CUL3: variants seen among roughly 807,000 people sequenced by gnomAD.
CUL3 encodes cullin 3, also known as cullin-3.
CUL3 carries 19 observed loss-of-function variants against 89.1 expected under a neutral mutation model. The observed-to-expected ratio is 0.21, with a 90% confidence interval of 0.15 to 0.31. The LOEUF is 0.31. Ranked by LOEUF, CUL3 falls within the 10% of genes least tolerant of loss-of-function variation. The pLI, the probability that CUL3 is intolerant of heterozygous loss-of-function variation, is 1.00. For synonymous variants in CUL3, 351 were observed against 308.4 expected, an observed-to-expected ratio of 1.14 and a Z score of -1.45; for missense variants, 469 against 942.3, an observed-to-expected ratio of 0.50 and a Z score of 6.58.
intron 2 of CUL3, among the ~76,000 whole-genome samples, chr2:224,543,494 T>G (rs2106279668): frequency 6.6e-6 from 1 of 152,018 alleles, no homozygotes; most frequent in Non-Finnish European, 1.5e-5. Context: ...AATAAAAATC[T>G]GCTAAGGTTG....
intron 3 of CUL3, among the ~76,000 whole-genome samples, chr2:224,530,723 A>G (rs1039326407): frequency 6.6e-6 from 1 of 152,158 alleles, no homozygotes; most frequent in East Asian, 1.9e-4. Context: ...CCTGGCCAAC[A>G]TGGCGAAACC....
intron 15 of CUL3, 60 bp from the exon 16 acceptor site, chr2:224,474,436 A>G: frequency 7.1e-7 from 1 of 1,406,628 alleles, no homozygotes; most frequent in Non-Finnish European, 9.8e-7. Flanking sequence ...ATCTTTGAAC[A>G]GAACTGATAT....
In CUL3 at chr2:224,515,429, G is replaced by GT. The variant is rs140807390; in HGVS notation, c.379-658dup. Among the ~76,000 whole-genome samples, 473 of 152,286 alleles carry GT rather than the reference G, an allele frequency of 3.1e-3. 2 individuals are homozygous for GT. The highest frequency in any genetic ancestry group is 0.01 in the African/African-American group (432 of 41,564). The stretch of plus-strand genomic sequence containing the variant: ...CAAAATACACTGAAATAAAACTACT[G>GT]TTTTTTGTAATGCACAGAAGGATTA... On this transcript the variant is annotated intron_variant, in intron 3 of 15. Coordinates refer to ENST00000264414, the MANE Select transcript of CUL3 (RefSeq NM_003590.5).
At chr2:224,481,008 A>G (rs1417568686) in intron 14 of CUL3, among the ~76,000 whole-genome samples, 1 of 152,170 alleles carries the variant, frequency 6.6e-6, no homozygotes, top group Non-Finnish European at 1.5e-5. Context: ...ATCAAAATGA[A>G]AAACAAAAAT....
At chr2:224,557,967 T>C in intron 1 of CUL3, 111 bp from the exon 2 acceptor site, 1 of 616,502 alleles carries the variant, frequency 1.6e-6, no homozygotes, top group Non-Finnish European at 2.7e-6. Context: ...TATATAGATA[T>C]GATTATAAAT....
At chr2:224,579,686 A>G (rs1010060781) in intron 1 of CUL3, among the ~76,000 whole-genome samples, 3 of 151,988 alleles carry the variant, frequency 2.0e-5, no homozygotes, top group East Asian at 1.9e-4. Flanking sequence ...TTATCATAAC[A>G]CTCTTTCTCC....
intron 14 of CUL3, among the ~76,000 whole-genome samples, chr2:224,480,662 T>G (rs1691506731): frequency 6.6e-6 from 1 of 152,160 alleles, no homozygotes; most frequent in African/African-American, 2.4e-5. Context: ...AGTTACTTAT[T>G]TAGGGTACAG....
intron 14 of CUL3, among the ~76,000 whole-genome samples, chr2:224,480,334 A>C (rs1011923578): frequency 2.0e-5 from 3 of 152,232 alleles, no homozygotes; most frequent in African/African-American, 7.2e-5. Flanking sequence ...ATGTGGTCAC[A>C]ATATTTACCA....
chr2:224,478,163 T>G, intron 15 of CUL3, 37 bp downstream of exon 15: 3 of 1,525,390 alleles, frequency 2.0e-6, no homozygotes, highest in Non-Finnish European at 2.6e-6. Flanking sequence ...AATGTTACTG[T>G]TTTTTCTATA....
At chr2:224,500,176 G>A (rs1320127580) in intron 11 of CUL3, 187 bp downstream of exon 11, 2 of 526,672 alleles carry the variant, frequency 3.8e-6, no homozygotes, top group South Asian at 5.7e-5. Context: ...AATTATGCCT[G>A]CTTTACTTTA....
At chr2:224,560,254 C>CA (rs1470781286) in intron 1 of CUL3, among the ~76,000 whole-genome samples, 1 of 152,082 alleles carries the variant, frequency 6.6e-6, no homozygotes, top group African/African-American at 2.4e-5. Context: ...TAGCCACACT[C>CA]AGTTTTTGTT....
intron 14 of CUL3, among the ~76,000 whole-genome samples, chr2:224,481,233 CCTAT>C (rs1408348662): frequency 6.6e-6 from 1 of 151,882 alleles, no homozygotes; most frequent in Non-Finnish European, 1.5e-5. Context: ...TACTAGGAAG[CCTAT>C]CTAATACTAG....
intron 1 of CUL3, among the ~76,000 whole-genome samples, chr2:224,580,720 A>G (rs1315666003): frequency 1.3e-5 from 2 of 152,150 alleles, no homozygotes; most frequent in Non-Finnish European, 2.9e-5. Context: ...AACACTAAAA[A>G]GAATCTGATA....
chr2:224,541,302 A>C, intron 2 of CUL3, among the ~76,000 whole-genome samples: 1 of 152,332 alleles, frequency 6.6e-6, no homozygotes, highest in East Asian at 1.9e-4. Context: ...CACTTCACCA[A>C]AGAGGATATA....
rs574527867 is a variant in CUL3 at position 224,557,934 on chromosome 2, T to C, written c.67-78A>G. On this transcript the variant is annotated intron_variant, in intron 1 of 15. Transcript: ENST00000264414. ...ATGGTTGAAAGTCTTTCTATATTTG[T>C]CCATATATAGTAAATATTGTATTAT... 12 of 796,850 alleles carry C rather than the reference T, an allele frequency of 1.5e-5. No individual in the cohort carries two copies. The East Asian group carries it at 2.9e-4, about 19-fold the overall frequency. The allele number at this position is 796,850 out of a possible 1,614,324, so 49.4% of individuals were successfully genotyped here.
chr2:224,545,552 A>G (rs1454872687), intron 2 of CUL3, among the ~76,000 whole-genome samples: 1 of 152,234 alleles, frequency 6.6e-6, no homozygotes, highest in Non-Finnish European at 1.5e-5. Context: ...GCTCTTAAAG[A>G]AATCAGGTCC....
chr2:224,580,854 T>TA (rs1356938677), intron 1 of CUL3, among the ~76,000 whole-genome samples: 1 of 149,626 alleles, frequency 6.7e-6, no homozygotes. Context: ...GTTAATTTTG[T>TA]AAAACAATCT....
Position 224,513,557 on chromosome 2 carries a change from A to C in CUL3, c.621T>G (p.Ala207=). The change falls in exon 5 of 16, where the codon GCT becomes GCG. Residue 207 remains alanine, a synonymous_variant. Coordinates refer to ENST00000264414, the MANE Select transcript of CUL3 (RefSeq NM_003590.5). ...ATTCTGCAGACATTTCCAAAAAAGG[A>C]GCCTCAAAATCTTCTTCATAGACTG... ...GRSVYEEDFE[A]PFLEMSAEFF... 2 of 1,598,700 alleles carry C rather than the reference A, an allele frequency of 1.3e-6. No individual in the cohort carries two copies. The highest frequency in any genetic ancestry group is 8.5e-7 in the Non-Finnish European group (1 of 1,175,970).
intron 3 of CUL3, among the ~76,000 whole-genome samples, chr2:224,535,244 T>C (rs1239083500): frequency 1.3e-5 from 2 of 152,114 alleles, no homozygotes; most frequent in African/African-American, 4.8e-5. Flanking sequence ...GAGAGTGCAG[T>C]GGCACGATCT....
Sources: allele counts gnomAD v4.1 joint callset (sites outside exome capture counted in the v4.1 genomes callset), GRCh38; gene constraint gnomAD v4.1.1; transcripts MANE v1.5; gene names NCBI Gene and HGNC (gene_info 2026-07-23, HGNC 2026-07-21).